Variants in GNGT1 observed in about 807,000 individuals in gnomAD.
GNGT1 encodes G protein subunit gamma transducin 1, also known as guanine nucleotide-binding protein G(T) subunit gamma-T1.
In GNGT1, 4 loss-of-function variants were observed where a neutral mutation model predicts 7.4. The observed-to-expected ratio is 0.54, with a 90% CI of 0.27 to 1.24. GNGT1 has a LOEUF of 1.24. GNGT1 is among the 50% of genes most tolerant of loss of function. The probability of loss-of-function intolerance (pLI) is 0.12; values close to 1 mark genes in which losing one functional copy is unlikely to be tolerated. For missense variants in GNGT1, 95 were observed against 82.4 expected, an observed-to-expected ratio of 1.15 and a Z score of -0.59; for synonymous variants, 37 against 30.2, an observed-to-expected ratio of 1.23 and a Z score of -0.74.
chr7:93,907,163 A>G (rs1433407023), intron 2 of GNGT1, among the ~76,000 whole-genome samples: 5 of 152,094 alleles, frequency 3.3e-5, no homozygotes, highest in Admixed American at 1.3e-4. Flanking sequence ...AGAGAGAGAA[A>G]GAAAGGGAAA....
rs1326178446 is a variant in GNGT1, at chr7:93,911,134, A to G, written c.*216A>G. On this transcript the variant is annotated 3_prime_UTR_variant, in exon 3 of 3. Transcript: ENST00000248572. ...CACAGGGTTTAACACATAATTGCCA[A>G]TAAATATTGCTTAAAGTTCTTTAAA... 8 of 267,106 alleles carry G rather than the reference A, an allele frequency of 3.0e-5. No individual in the cohort carries two copies. Among genetic ancestry groups the G allele is most frequent in the Non-Finnish European group, 4.9e-5 (7 of 141,526 alleles). The allele number at this position is 267,106 out of a possible 1,614,324, so 16.5% of individuals were successfully genotyped here.
At chr7:93,910,309 C>T (rs1794441688) in intron 2 of GNGT1, 1 of 152,372 alleles carries the variant, frequency 6.6e-6, no homozygotes, top group Non-Finnish European at 1.5e-5. Context: ...AGTGCACCAC[C>T]ATGCTCAATC....
At chr7:93,909,633 G>A (rs957973368) in intron 2 of GNGT1, 7 of 564,972 alleles carry the variant, frequency 1.2e-5, no homozygotes, top group African/African-American at 5.6e-5. Context: ...GGAAAAAAGT[G>A]AATCTAAATT....
intron 2 of GNGT1, 47 bp downstream of exon 2, chr7:93,906,889 G>A (rs183785478): frequency 1.9e-5 from 20 of 1,045,832 alleles, no homozygotes; most frequent in Middle Eastern, 4.1e-4. Context: ...TAGAGATACT[G>A]TGGGAGTACC....
chr7:93,909,772 G>T, intron 2 of GNGT1: 7 of 303,234 alleles, frequency 2.3e-5, no homozygotes, highest in East Asian at 5.3e-5. Flanking sequence ...AGTCTGCCTA[G>T]TTATAAAATA....
At chr7:93,907,428 A>G (rs983855269) in intron 2 of GNGT1, among the ~76,000 whole-genome samples, 25 of 152,290 alleles carry the variant, frequency 1.6e-4, no homozygotes, top group Non-Finnish European at 2.8e-4. Context: ...TCAGTAATAC[A>G]TAAGTACATT....
At chr7:93,908,551 C>T (rs1794412281) in intron 2 of GNGT1, among the ~76,000 whole-genome samples, 1 of 151,862 alleles carries the variant, frequency 6.6e-6, no homozygotes, top group Non-Finnish European at 1.5e-5. Flanking sequence ...TCTTCATGAC[C>T]TAATTACCTA....
intron 2 of GNGT1, chr7:93,909,458 G>A (rs1432944212): frequency 2.9e-6 from 2 of 701,056 alleles, no homozygotes; most frequent in Non-Finnish European, 5.2e-6. Flanking sequence ...GTAATTTGTT[G>A]CTCCTTTCAT....
intron 2 of GNGT1, chr7:93,909,547 A>C: frequency 1.4e-6 from 1 of 700,412 alleles, no homozygotes; most frequent in East Asian, 2.7e-5. Flanking sequence ...AGCAAGTTAC[A>C]CCTCTGTTCC....
intron 2 of GNGT1, chr7:93,909,802 A>C: frequency 3.9e-6 from 1 of 257,676 alleles, no homozygotes; most frequent in Admixed American, 5.4e-5. Context: ...CTTATATCAA[A>C]TGTTCCTTGG....
Position 93,911,010 on chromosome 7 carries a change from C to G in GNGT1, c.*92C>G. Reference sequence around the variant, plus strand: ...ATTTTTCTCATGCATACTATTACTACTAAGCATGTACGTGAATTTTTAAAT... The same window carrying G: ...ATTTTTCTCATGCATACTATTACTAGTAAGCATGTACGTGAATTTTTAAAT... On this transcript the variant is annotated 3_prime_UTR_variant, in exon 3 of 3. Transcript: ENST00000248572. 1.2e-6 allele frequency: 1 copy of G among 812,852 alleles called. No individual in the cohort carries two copies. The highest frequency in any genetic ancestry group is 1.8e-6 in the Non-Finnish European group (1 of 556,148). 50.4% of individuals were successfully genotyped at this position (812,852 alleles called of 1,614,324 possible). A position where few individuals can be genotyped will look rare whatever the true frequency, so the allele number is the denominator to read the frequency against.
rs17243826 is a variant in GNGT1 at position 93,910,841 on chromosome 7, G to A, written c.148G>A (p.Glu50Lys). ...VRDYVEERSG[E>K]DPLVKGIPED... ...AGATTACGTTGAAGAACGATCTGGC[G>A]AGGATCCACTGGTAAAGGGCATCCC... Residue 50 changes from glutamate (E) to lysine (K), a missense_variant, in exon 3 of 3, where the codon GAG becomes AAG. Transcript: ENST00000248572. 71,958 of 1,604,346 alleles carry A rather than the reference G, an allele frequency of 0.045. 1,827 individuals carry two copies. The highest frequency in any genetic ancestry group is 0.058 in the Middle Eastern group (334 of 5,764).
At position 93,906,647 on chromosome 7, in the gene GNGT1, A is replaced by C; in HGVS notation, c.-12+3A>C. 1.4e-6 allele frequency: 1 copy of C among 721,274 alleles called. No individual in the cohort carries two copies. The highest frequency in any genetic ancestry group is 2.4e-6 in the Non-Finnish European group (1 of 409,876). The allele number at this position is 721,274 out of a possible 1,614,324, so 44.7% of individuals were successfully genotyped here. A position where few individuals can be genotyped will look rare whatever the true frequency, so the allele number is the denominator to read the frequency against. On this transcript the variant is annotated splice_donor_region_variant and intron_variant, in intron 1 of 2. Transcript: ENST00000248572. ...TAAAACAAAGAACAGTTTACTTTGT[A>C]AGTTAAGAGCTGAGGGAATTGTTGG...
At position 93,911,049 on chromosome 7, in the gene GNGT1, C is replaced by T. The variant is rs562148252; in HGVS notation, c.*131C>T. 26 of 533,502 alleles carry T rather than the reference C, an allele frequency of 4.9e-5. No homozygotes were observed. The South Asian group carries it at 1.2e-3, about 25-fold the overall frequency. 33.0% of individuals were successfully genotyped at this position (533,502 alleles called of 1,614,324 possible). A position where few individuals can be genotyped will look rare whatever the true frequency, so the allele number is the denominator to read the frequency against. ...GAATTTTTAAATTTATAGATGTAAA[C>T]TTTTAATAAAAATTGGGGTGTGGTA... On this transcript the variant is annotated 3_prime_UTR_variant, in exon 3 of 3. Coordinates refer to ENST00000248572, the MANE Select transcript of GNGT1 (RefSeq NM_021955.5).
At chr7:93,909,251 C>T (rs569263790) in intron 2 of GNGT1, among the ~76,000 whole-genome samples, 2 of 152,244 alleles carry the variant, frequency 1.3e-5, no homozygotes, top group East Asian at 3.9e-4. Context: ...GTGCCAGGCA[C>T]CTCTTAGGCA....
In GNGT1 at chr7:93,910,939, A is replaced by T. The variant is rs1794456959; in HGVS notation, c.*21A>T. On this transcript the variant is annotated 3_prime_UTR_variant, in exon 3 of 3. Transcript: ENST00000248572. ...CATAATACAAACAAAAAGAAAAAAAATTAAACAAATTCTTGGAAATATCTC... is the reference window on the plus strand; with the variant it reads ...CATAATACAAACAAAAAGAAAAAAATTTAAACAAATTCTTGGAAATATCTC... 2 of 1,515,446 alleles carry T rather than the reference A, an allele frequency of 1.3e-6. No individual in the cohort carries two copies. Among genetic ancestry groups the T allele is most frequent in the East Asian group, 4.6e-5 (2 of 43,234 alleles). The allele number at this position is 1,515,446 out of a possible 1,614,324, so 93.9% of individuals were successfully genotyped here.
At position 93,907,159 on chromosome 7, in the gene GNGT1, A is replaced by G. The variant is rs150028876; in HGVS notation, c.96+317A>G. On this transcript the variant is annotated intron_variant, in intron 2 of 2. Coordinates refer to ENST00000248572, the MANE Select transcript of GNGT1 (RefSeq NM_021955.5). The stretch of plus-strand genomic sequence containing the variant: ...AAAGAAAGAGAGAAAGAAGAGAGAG[A>G]GAAAGAAAGGGAAAAAGAAGGAAAG... 4.2e-3 allele frequency among the ~76,000 whole-genome samples: 636 copies of G among 152,178 alleles called. 2 individuals carry two copies. Among genetic ancestry groups the G allele is most frequent in the African/African-American group, 0.015 (615 of 41,528 alleles).
At position 93,906,729 on chromosome 7, in the gene GNGT1, T is replaced by C; in HGVS notation, c.-11-7T>C. 1 of 1,495,046 alleles carries C rather than the reference T, an allele frequency of 6.7e-7. No homozygotes were observed. The highest frequency in any genetic ancestry group is 9.3e-7 in the Non-Finnish European group (1 of 1,079,204). 92.6% of individuals were successfully genotyped at this position (1,495,046 alleles called of 1,614,324 possible). ...CATGCATAGCTGCTAACCTTCTACA[T>C]CTTCAGCAGGCAAAAAGATGCCAGT... is the stretch of plus-strand genomic sequence containing the variant. On this transcript the variant is annotated splice_polypyrimidine_tract_variant and splice_region_variant and intron_variant, in intron 1 of 2. Coordinates refer to ENST00000248572, the MANE Select transcript of GNGT1 (RefSeq NM_021955.5).
At chr7:93,907,472 A>G (rs1389828671) in intron 2 of GNGT1, among the ~76,000 whole-genome samples, 1 of 152,204 alleles carries the variant, frequency 6.6e-6, no homozygotes, top group Non-Finnish European at 1.5e-5. Flanking sequence ...ATGAGTTCAA[A>G]CATAAGAACT....
Sources: allele counts gnomAD v4.1 joint callset (sites outside exome capture counted in the v4.1 genomes callset), GRCh38; gene constraint gnomAD v4.1.1; transcripts MANE v1.5; gene names NCBI Gene and HGNC (gene_info 2026-07-23, HGNC 2026-07-21).